The following EVC2 variants were observed in gnomAD, a reference collection of about 807,000 sequenced individuals.
The protein encoded by EVC2 is limbin.
In EVC2, 148 loss-of-function variants were observed where a neutral mutation model predicts 149.3. The observed-to-expected ratio is 0.99, with a 90% CI of 0.87 to 1.14. The LOEUF (loss-of-function observed/expected upper bound fraction) is 1.14. Ranked by LOEUF, EVC2 falls within the 50% of genes most tolerant of loss-of-function variation. The pLI is 0.00. For synonymous variants in EVC2, 776 were observed against 649.9 expected (o/e 1.19, Z -2.95); for missense variants, 1,854 against 1,627.3 (o/e 1.14, Z -2.40).
chr4:5,683,959 C>G (rs1310974459), intron 6 of EVC2, among the ~76,000 whole-genome samples: 1 of 152,140 alleles, frequency 6.6e-6, no homozygotes, highest in African/African-American at 2.4e-5. Flanking sequence ...CACAGCTGCC[C>G]GGGGCTTCAG....
downstream of EVC2, among the ~76,000 whole-genome samples, chr4:5,560,530 G>C (rs988512273): frequency 1.3e-5 from 2 of 152,104 alleles, no homozygotes; most frequent in African/African-American, 4.8e-5. This position sits in a 1 kb window ranked among gnomAD's most constrained non-coding sequence, Gnocchi z 4.1. Flanking sequence ...CACGAGAACA[G>C]TACAGGGGAA....
chr4:5,708,316 C>A lies in EVC2; in HGVS notation c.198G>T (p.Arg66=), dbSNP rs535808200. ...TGCTGCTCTCGGGCCCCGCCCCGCT[C>A]CGCCCCGGAGGGATCCTCAGGCCGG... The part of the protein sequence containing the change: ...SGPGLRIPPG[R]SGAGPESSTQ... Residue 66 remains arginine (R), a synonymous_variant, in exon 1 of 22, where the codon CGG becomes CGT. Transcript: ENST00000344408. 3.4e-6 allele frequency: 5 copies of A among 1,464,054 alleles called. No individual in the cohort carries two copies. In the South Asian group the frequency reaches 6.7e-5, roughly 20 times the overall value. The allele number at this position is 1,464,054 out of a possible 1,614,324, so 90.7% of individuals were successfully genotyped here.
intron 11 of EVC2, among the ~76,000 whole-genome samples, chr4:5,631,382 G>T (rs1716516285): frequency 6.6e-6 from 1 of 152,144 alleles, no homozygotes; most frequent in Admixed American, 6.5e-5. Context: ...AGCCTGGCCT[G>T]TATTTCCTTT....
chr4:5,658,055 G>T (rs1248782014), intron 9 of EVC2, among the ~76,000 whole-genome samples: 1 of 152,134 alleles, frequency 6.6e-6, no homozygotes, highest in Non-Finnish European at 1.5e-5. Context: ...CCCCTTCATA[G>T]CTCTGACCAT....
At chr4:5,673,689 A>T (rs1719812027) in intron 7 of EVC2, among the ~76,000 whole-genome samples, 1 of 152,228 alleles carries the variant, frequency 6.6e-6, no homozygotes, top group African/African-American at 2.4e-5. Context: ...GCATTTATGA[A>T]GAGCGATGCT....
the EVC2 span, among the ~76,000 whole-genome samples, chr4:5,537,607 G>C: frequency 6.6e-6 from 1 of 152,064 alleles, no homozygotes; most frequent in African/African-American, 2.4e-5. Context: ...CCAGAACAAA[G>C]CCCAACAATA....
chr4:5,679,842 A>G lies in EVC2; in HGVS notation c.870+1418T>C, dbSNP rs899433495. 5.3e-5 allele frequency among the ~76,000 whole-genome samples: 8 copies of G among 151,424 alleles called. No homozygotes were observed. Among genetic ancestry groups the G allele is most frequent in the African/African-American group, 1.9e-4 (8 of 41,146 alleles). ...TTACCTTTGTAATTTTTTTTTTAAC[A>G]TTTTGACTCTTTGGTAATAACACAG... On this transcript the variant is annotated intron_variant, in intron 7 of 21. Coordinates refer to ENST00000344408, the MANE Select transcript of EVC2 (RefSeq NM_147127.5). This position sits in a 1 kb window ranked among gnomAD's most constrained non-coding sequence, Gnocchi z 5.1.
intron 6 of EVC2, among the ~76,000 whole-genome samples, chr4:5,682,524 T>C (rs1720420691): frequency 6.6e-6 from 1 of 150,842 alleles, no homozygotes; most frequent in Non-Finnish European, 1.5e-5. Context: ...ATAAAATTTT[T>C]TAAAAGCAAT....
chr4:5,647,366 G>A (rs1040910923), intron 9 of EVC2, among the ~76,000 whole-genome samples: 5 of 152,058 alleles, frequency 3.3e-5, no homozygotes, highest in Non-Finnish European at 7.4e-5. Flanking sequence ...GATCAACTGC[G>A]GTCTTTATTC....
intron 16 of EVC2, among the ~76,000 whole-genome samples, chr4:5,600,066 C>T (rs1393214853): frequency 1.3e-5 from 2 of 152,202 alleles, no homozygotes; most frequent in African/African-American, 4.8e-5. Flanking sequence ...AGGGGCATCC[C>T]TTCACATCAC....
At chr4:5,582,860 C>T (rs1165454436) in intron 17 of EVC2, among the ~76,000 whole-genome samples, 2 of 152,058 alleles carry the variant, frequency 1.3e-5, no homozygotes, top group African/African-American at 4.8e-5. Context: ...AAGTGTGTGG[C>T]ACCTCCCCCT....
intron 16 of EVC2, among the ~76,000 whole-genome samples, chr4:5,611,109 G>A (rs1714785016): frequency 6.6e-6 from 1 of 152,090 alleles, no homozygotes; most frequent in African/African-American, 2.4e-5. Flanking sequence ...ATCTGCCTTG[G>A]ATCCCTTGTT....
At chr4:5,643,758 T>G (rs930048183) in intron 9 of EVC2, among the ~76,000 whole-genome samples, 6 of 152,038 alleles carry the variant, frequency 3.9e-5, no homozygotes, top group African/African-American at 1.4e-4. Context: ...CCATCTCCAC[T>G]AAAACTACAA....
At chr4:5,687,343 G>A (rs1720791477) in intron 5 of EVC2, among the ~76,000 whole-genome samples, 1 of 152,172 alleles carries the variant, frequency 6.6e-6, no homozygotes, top group Non-Finnish European at 1.5e-5. Context: ...TCCACAGCCG[G>A]GCTGCGTCAT....
rs926046713 is a variant in EVC2, at chr4:5,625,350, A to C, written c.2046+399T>G. On this transcript the variant is annotated intron_variant, in intron 13 of 21. Coordinates refer to ENST00000344408, the MANE Select transcript of EVC2 (RefSeq NM_147127.5). This position sits in a 1 kb window ranked among gnomAD's most constrained non-coding sequence, Gnocchi z 4.0. ...CACACACACACACACACACACACAA[A>C]CCCAGTGGTATCTCCCTCATAGGGT... is the stretch of plus-strand genomic sequence containing the variant. 6.9e-6 allele frequency among the ~76,000 whole-genome samples: 1 copy of C among 145,496 alleles called. No homozygotes were observed. Among genetic ancestry groups the C allele is most frequent in the African/African-American group, 2.6e-5 (1 of 38,362 alleles).
At chr4:5,535,375 G>A in the EVC2 span, among the ~76,000 whole-genome samples, 1 of 152,208 alleles carries the variant, frequency 6.6e-6, no homozygotes, top group African/African-American at 2.4e-5. The surrounding 1 kb of genome is among the most constrained non-coding windows in gnomAD (Gnocchi z 4.7). Context: ...CGTCTGATTC[G>A]TGAGGCCCAA....
rs762375976 is a variant in EVC2 at position 5,694,374 on chromosome 4, C to T, written c.411G>A (p.Lys137=). 1.9e-6 allele frequency: 3 copies of T among 1,613,988 alleles called. No individual in the cohort carries two copies. The African/African-American group carries it at 4.0e-5, about 22-fold the overall frequency. Residue 137 remains lysine, a synonymous_variant, in exon 3 of 22, where the codon AAG becomes AAA. Coordinates refer to ENST00000344408, the MANE Select transcript of EVC2 (RefSeq NM_147127.5). The part of the protein sequence containing the change: ...LFAFIPSWPK[K]NLFKRESPIT... ...TAGGAGACTCTCTTTTAAATAAGTT[C>T]TTCTTAGGCCAGGAGGGTATAAAAG...
intron 7 of EVC2, among the ~76,000 whole-genome samples, chr4:5,676,721 G>T (rs1261145495): frequency 6.6e-6 from 1 of 152,154 alleles, no homozygotes; most frequent in Non-Finnish European, 1.5e-5. Context: ...TCCTCCTCCA[G>T]GAAGCCTGCC....
chr4:5,692,887 A>G (rs1721215150), intron 3 of EVC2, among the ~76,000 whole-genome samples: 1 of 136,194 alleles, frequency 7.3e-6, no homozygotes, highest in Non-Finnish European at 1.5e-5. Context: ...AAAAAAAAAA[A>G]AAAGAAAAAA....
Sources: allele counts gnomAD v4.1 joint callset (sites outside exome capture counted in the v4.1 genomes callset), GRCh38; gene constraint gnomAD v4.1.1; non-coding constraint Gnocchi (gnomAD v3.1); transcripts MANE v1.5; gene names NCBI Gene and HGNC (gene_info 2026-07-23, HGNC 2026-07-21).